AACS: variants seen among roughly 807,000 people sequenced by gnomAD.
AACS encodes acetoacetate-CoA ligase.
Under a neutral mutation model 83.1 loss-of-function variants are expected in AACS, and 69 were observed. The observed-to-expected ratio is 0.83, with a 90% CI of 0.68 to 1.01. AACS has a LOEUF of 1.01. Ranked by LOEUF, AACS falls within the 50% of genes least tolerant of loss-of-function variation. The pLI is 0.00. For missense variants in AACS, 866 were observed against 882.2 expected, an observed-to-expected ratio of 0.98 and a Z score of 0.23; for synonymous variants, 333 against 343.4, an observed-to-expected ratio of 0.97 and a Z score of 0.33.
At chr12:125,071,279 G>A (rs564524612) in intron 1 of AACS, among the ~76,000 whole-genome samples, 84 of 152,282 alleles carry the variant, frequency 5.5e-4, no homozygotes, top group African/African-American at 1.8e-3. Flanking sequence ...TGGAACTCAC[G>A]TTTGGCCACT....
At chr12:125,068,105 G>T (rs1239908685) in intron 1 of AACS, among the ~76,000 whole-genome samples, 1 of 152,184 alleles carries the variant, frequency 6.6e-6, no homozygotes, top group African/African-American at 2.4e-5. Flanking sequence ...TCTCAGACTG[G>T]TGGCCCATGG....
chr12:125,111,003 C>A (rs917983571), intron 8 of AACS, among the ~76,000 whole-genome samples: 1 of 151,984 alleles, frequency 6.6e-6, no homozygotes, highest in Non-Finnish European at 1.5e-5. Flanking sequence ...AGCCTGTCCA[C>A]GCACAGCAGG....
chr12:125,084,610 A>G (rs1021772465), intron 3 of AACS, among the ~76,000 whole-genome samples: 11 of 147,712 alleles, frequency 7.4e-5, no homozygotes, highest in Non-Finnish European at 3.0e-5. Flanking sequence ...ACAGAGTCTC[A>G]CTCTGTCACC....
At position 125,102,933 on chromosome 12, in the gene AACS, A is replaced by G. The variant is rs78271142; in HGVS notation, c.686-67A>G. On this transcript the variant is annotated intron_variant, in intron 6 of 17. Coordinates refer to ENST00000316519, the MANE Select transcript of AACS (RefSeq NM_023928.5). ...CCCCAGATTGTGTTATATTTTGTGG[A>G]AAAAAAAAAAAGCAGCCAAGCATCT... 9.5e-3 allele frequency: 4,051 copies of G among 426,656 alleles called. 6 individuals carry two copies. The highest frequency in any genetic ancestry group is 0.015 in the Middle Eastern group (30 of 2,006). The allele number at this position is 426,656 out of a possible 1,614,324, so 26.4% of individuals were successfully genotyped here.
rs1957274760 is a variant in AACS at position 125,128,165 on chromosome 12, C to T, written c.1314C>T (p.Gly438=). Residue 438 remains glycine, a synonymous_variant, in exon 13 of 18, where the codon GGC becomes GGT. Coordinates refer to ENST00000316519, the MANE Select transcript of AACS (RefSeq NM_023928.5). ...SSILLGSISG[G]TDIISCFMGH... Reference sequence around the variant, plus strand: ...TCCCTTTGCCATTGCTTGCAGGAGGCACCGACATCATCTCCTGCTTCATGG... The same window carrying T: ...TCCCTTTGCCATTGCTTGCAGGAGGTACCGACATCATCTCCTGCTTCATGG... The T allele has an allele frequency of 6.2e-7, 1 of 1,608,594 alleles. No homozygotes were observed. The highest frequency in any genetic ancestry group is 8.5e-7 in the Non-Finnish European group (1 of 1,176,126).
In AACS at chr12:125,094,900, C is replaced by T. The variant is rs1017294446; in HGVS notation, c.570+3377C>T. On this transcript the variant is annotated intron_variant, in intron 5 of 17. Coordinates refer to ENST00000316519, the MANE Select transcript of AACS (RefSeq NM_023928.5). The surrounding 1 kb of genome is among the most constrained non-coding windows in gnomAD (Gnocchi z 4.1). ...CATTTTCAGAGATGTCAGGGAAGGC[C>T]ACCCTCTGATCCCTGCACACCAGAG... 2.0e-5 allele frequency among the ~76,000 whole-genome samples: 3 copies of T among 152,016 alleles called. No individual in the cohort carries two copies. Among genetic ancestry groups the T allele is most frequent in the Non-Finnish European group, 4.4e-5 (3 of 68,020 alleles).
intron 7 of AACS, among the ~76,000 whole-genome samples, chr12:125,106,058 T>C (rs1029387081): frequency 6.6e-6 from 1 of 152,258 alleles, no homozygotes; most frequent in African/African-American, 2.4e-5. Flanking sequence ...GAAACCTTTA[T>C]ATTTAAGGAT....
chr12:125,123,546 C>A (rs1018620983), intron 10 of AACS: 1 of 152,206 alleles, frequency 6.6e-6, no homozygotes, highest in Non-Finnish European at 1.5e-5. Context: ...CGCCTCCTTG[C>A]GTGGAGGGAG....
chr12:125,085,514 A>G (rs10773143), intron 3 of AACS, among the ~76,000 whole-genome samples: 146,402 of 151,134 alleles, frequency 0.97, 71,019 homozygotes, highest in East Asian at 1. Context: ...CATGTGTTTC[A>G]TGGAACCACG....
At chr12:125,110,306 C>T (rs955526281) in intron 8 of AACS, among the ~76,000 whole-genome samples, 2 of 151,630 alleles carry the variant, frequency 1.3e-5, no homozygotes, top group Non-Finnish European at 2.9e-5. Flanking sequence ...CTCCTGACCT[C>T]GTGATCCACC....
intron 5 of AACS, 92 bp downstream of exon 5, chr12:125,091,615 C>T: frequency 1.5e-6 from 2 of 1,335,806 alleles, no homozygotes; most frequent in Non-Finnish European, 2.1e-6. Flanking sequence ...GGGAGCCGGA[C>T]AGCAGCGTGA....
intron 1 of AACS, among the ~76,000 whole-genome samples, chr12:125,069,347 C>T (rs942717719): frequency 1.3e-5 from 2 of 152,202 alleles, no homozygotes; most frequent in African/African-American, 4.8e-5. Context: ...CCACTCCGGC[C>T]GCCTCTCCGT....
chr12:125,120,272 C>T (rs900158773), intron 10 of AACS: 1 of 152,104 alleles, frequency 6.6e-6, no homozygotes, highest in African/African-American at 2.4e-5. Flanking sequence ...TCTTGGTCAC[C>T]CTTGGCCTAA....
At chr12:125,066,709 A>C (rs1955709924) in intron 1 of AACS, among the ~76,000 whole-genome samples, 1 of 151,940 alleles carries the variant, frequency 6.6e-6, no homozygotes, top group African/African-American at 2.4e-5. Context: ...TTGGCCTCCC[A>C]AAGTGCTGGG....
rs1957513556 is a variant in AACS, at chr12:125,142,319, G to A, written c.*90G>A. On this transcript the variant is annotated 3_prime_UTR_variant, in exon 18 of 18. Coordinates refer to ENST00000316519, the MANE Select transcript of AACS (RefSeq NM_023928.5). The stretch of plus-strand genomic sequence containing the variant: ...AATTATACAGAAACCTACAGCTGTT[G>A]TAAAAGGATGCTCGCACCAAGTGTT... 1 of 1,534,526 alleles carries A rather than the reference G, an allele frequency of 6.5e-7. No individual in the cohort carries two copies. The highest frequency in any genetic ancestry group is 2.0e-5 in the Admixed American group (1 of 50,670).
chr12:125,108,022 T>G (rs981724702), intron 8 of AACS, among the ~76,000 whole-genome samples: 2 of 152,060 alleles, frequency 1.3e-5, no homozygotes, highest in South Asian at 2.1e-4. Context: ...ATGGGTGGTG[T>G]TCTGTGAAGC....
chr12:125,072,508 G>A (rs980636387), intron 1 of AACS, among the ~76,000 whole-genome samples: 1 of 152,136 alleles, frequency 6.6e-6, no homozygotes, highest in African/African-American at 2.4e-5. Flanking sequence ...TACCCCATTG[G>A]CCATCTTCCT....
intron 5 of AACS, 87 bp from the exon 6 acceptor site, chr12:125,102,592 G>A (rs1956736696): frequency 9.1e-7 from 1 of 1,102,468 alleles, no homozygotes; most frequent in South Asian, 1.3e-5. Flanking sequence ...AGCCTCCAGA[G>A]TAGCTGGGAC....
In AACS at chr12:125,136,822, G is replaced by T; in HGVS notation, c.1839G>T (p.Ala613=). The change falls in exon 17 of 18, where the codon GCG becomes GCT. Residue 613 remains alanine (A), a synonymous_variant. Coordinates refer to ENST00000316519, the MANE Select transcript of AACS (RefSeq NM_023928.5). ...IRDAIRMGLS[A]RHVPSLILET... is the part of the protein sequence containing the mutation. ...ACGCCATCCGCATGGGCTTGTCTGC[G>T]CGACACGTGCCCAGCCTCATCCTGG... 2 of 1,613,840 alleles carry T rather than the reference G, an allele frequency of 1.2e-6. No individual in the cohort carries two copies. The highest frequency in any genetic ancestry group is 1.7e-6 in the Non-Finnish European group (2 of 1,180,040).
Sources: gnomAD v4.1 joint callset for allele counts (sites outside exome capture counted in the v4.1 genomes callset) on GRCh38, gnomAD v4.1.1 for gene constraint, Gnocchi (gnomAD v3.1) non-coding constraint, MANE v1.5 for transcripts, NCBI Gene and HGNC (gene_info 2026-07-23, HGNC 2026-07-21) for gene names.